BIRC5: variants seen among roughly 807,000 people sequenced by gnomAD.
The protein encoded by BIRC5 is baculoviral IAP repeat containing 5.
In BIRC5, 8 loss-of-function variants were observed where a neutral mutation model predicts 15.8. The observed-to-expected ratio is 0.51, with a 90% CI of 0.30 to 0.91. The LOEUF (loss-of-function observed/expected upper bound fraction) is 0.91. BIRC5 is among the 40% of genes least tolerant of loss of function. The pLI is 0.07. For synonymous variants in BIRC5, 56 were observed against 64.5 expected (o/e 0.87, Z 0.63); for missense variants, 163 against 178.6 (o/e 0.91, Z 0.50).
chr17:78,222,744 T>A (rs2076523535), intron 3 of BIRC5: 6 of 1,478,598 alleles, frequency 4.1e-6, no homozygotes, highest in Non-Finnish European at 5.4e-6. Context: ...TTTTTTAATG[T>A]AGTAGAGGAG....
chr17:78,219,732 T>G (rs2076502875), intron 3 of BIRC5, among the ~76,000 whole-genome samples: 1 of 152,236 alleles, frequency 6.6e-6, no homozygotes, highest in Non-Finnish European at 1.5e-5. Context: ...TATTGTCTTT[T>G]GTTGTTTTTC....
chr17:78,214,835 G>A (rs752468320), intron 2 of BIRC5, 46 bp downstream of exon 2: 2 of 1,529,702 alleles, frequency 1.3e-6, no homozygotes, highest in African/African-American at 1.4e-5. Flanking sequence ...TTTGAACTGA[G>A]TTGTCAAAAG....
At position 78,215,403 on chromosome 17, in the gene BIRC5, C is replaced by G. The variant is rs961640577; in HGVS notation, c.221+614C>G. 3.3e-5 allele frequency among the ~76,000 whole-genome samples: 5 copies of G among 150,066 alleles called. No homozygotes were observed. The East Asian group carries it at 9.8e-4, about 29-fold the overall frequency. On this transcript the variant is annotated intron_variant, in intron 2 of 3. Coordinates refer to ENST00000350051, the MANE Select transcript of BIRC5 (RefSeq NM_001168.3). ...ATGCACTCCAGCCTCGGCGACAGAG[C>G]GAGACTCCGTCATAAAAATAAAAAA...
At chr17:78,221,398 A>G (rs1171265404) in intron 3 of BIRC5, among the ~76,000 whole-genome samples, 1 of 150,962 alleles carries the variant, frequency 6.6e-6, no homozygotes, top group African/African-American at 2.4e-5. Context: ...CTACAGGCGC[A>G]TGCCACCATG....
At chr17:78,216,636 CT>C (rs751306383) in intron 2 of BIRC5, 27 bp from the exon 3 acceptor site, 2 of 1,606,654 alleles carry the variant, frequency 1.2e-6, no homozygotes, top group South Asian at 2.2e-5. Flanking sequence ...CTTCAGCTGC[CT>C]TTCCGCTGTT....
In BIRC5 at chr17:78,214,280, A is replaced by T; in HGVS notation, c.-37A>T. ...GGCGCGCCATTAACCGCCAGATTTG[A>T]ATCGCGGGACCCGTTGGCAGAGGTG... is the stretch of plus-strand genomic sequence containing the variant. On this transcript the variant is annotated 5_prime_UTR_variant, in exon 1 of 4. Coordinates refer to ENST00000350051, the MANE Select transcript of BIRC5 (RefSeq NM_001168.3). 6.4e-7 allele frequency: 1 copy of T among 1,569,134 alleles called. No individual in the cohort carries two copies. Among genetic ancestry groups the T allele is most frequent in the Non-Finnish European group, 8.7e-7 (1 of 1,152,718 alleles).
At chr17:78,215,026 G>A in intron 2 of BIRC5, 2 of 469,744 alleles carry the variant, frequency 4.3e-6, no homozygotes, top group South Asian at 2.1e-5. Context: ...TGCCTTTCAT[G>A]TTCAACAGAA....
Position 78,223,456 on chromosome 17 carries a change from T to C in BIRC5, c.340-9T>C. On this transcript the variant is annotated splice_polypyrimidine_tract_variant and intron_variant, in intron 3 of 3. Transcript: ENST00000350051. ...GTTTCAGTGTCATGTGTCTATTCTTTATTTCCAGGCAAAGGAAACCAACAA... is the reference window on the plus strand; with the variant it reads ...GTTTCAGTGTCATGTGTCTATTCTTCATTTCCAGGCAAAGGAAACCAACAA... The C allele has an allele frequency of 6.3e-7, 1 of 1,588,620 alleles. No individual in the cohort carries two copies. The highest frequency in any genetic ancestry group is 8.6e-7 in the Non-Finnish European group (1 of 1,165,760).
chr17:78,214,283 C>A lies in BIRC5; in HGVS notation c.-34C>A. On this transcript the variant is annotated 5_prime_UTR_variant, in exon 1 of 4. Transcript: ENST00000350051. ...GCGCCATTAACCGCCAGATTTGAAT[C>A]GCGGGACCCGTTGGCAGAGGTGGCG... is the stretch of plus-strand genomic sequence containing the variant. 2.5e-6 allele frequency: 4 copies of A among 1,572,872 alleles called. No individual in the cohort carries two copies. The highest frequency in any genetic ancestry group is 3.5e-6 in the Non-Finnish European group (4 of 1,154,786).
chr17:78,216,987 C>T (rs2076483127), intron 3 of BIRC5, among the ~76,000 whole-genome samples: 1 of 151,354 alleles, frequency 6.6e-6, no homozygotes, highest in Non-Finnish European at 1.5e-5. Context: ...TCAAGTGATT[C>T]TCCTGCCTCA....
rs1476353195 is a variant in BIRC5, at chr17:78,223,466, C to A, written c.341C>A (p.Ala114Glu). The A allele has an allele frequency of 6.3e-7, 1 of 1,594,140 alleles. No individual in the cohort carries two copies. ...CATGTGTCTATTCTTTATTTCCAGG[C>A]AAAGGAAACCAACAATAAGAAGAAA... ...LDRERAKNKI[A>E]KETNNKKKEF... The change falls in exon 4 of 4, where the codon GCA becomes GAA. Residue 114 changes from alanine to glutamate, a missense_variant and splice_region_variant. Coordinates refer to ENST00000350051, the MANE Select transcript of BIRC5 (RefSeq NM_001168.3).
At chr17:78,216,155 A>C (rs2076476192) in intron 2 of BIRC5, 1 of 173,634 alleles carries the variant, frequency 5.8e-6, no homozygotes, top group Non-Finnish European at 1.1e-5. Context: ...AGGCTGAGGC[A>C]GGAGAATGGC....
chr17:78,218,661 G>A (rs1439397487), intron 3 of BIRC5, among the ~76,000 whole-genome samples: 1 of 148,716 alleles, frequency 6.7e-6, no homozygotes, highest in Non-Finnish European at 1.5e-5. Context: ...GGAGTGCAGT[G>A]GCACGATCTC....
intron 2 of BIRC5, chr17:78,215,065 T>A (rs940081376): frequency 5.6e-6 from 2 of 359,346 alleles, no homozygotes; most frequent in African/African-American, 4.2e-5. Flanking sequence ...TGTTGTGAAC[T>A]CCCAGGAACG....
intron 3 of BIRC5, chr17:78,223,027 A>G: frequency 7.2e-7 from 1 of 1,386,960 alleles, no homozygotes; most frequent in East Asian, 2.7e-5. Context: ...CTCTGCCTAG[A>G]CTAGCTGGGG....
chr17:78,218,475 G>A (rs1382139396), intron 3 of BIRC5, among the ~76,000 whole-genome samples: 1 of 147,096 alleles, frequency 6.8e-6, no homozygotes, highest in East Asian at 2.1e-4. Flanking sequence ...TGTATTTTTA[G>A]TAGACGGGGT....
At position 78,223,704 on chromosome 17, in the gene BIRC5, G is replaced by A. The variant is rs766041929; in HGVS notation, c.*150G>A. On this transcript the variant is annotated 3_prime_UTR_variant, in exon 4 of 4. Transcript: ENST00000350051. ...AATTAGATGTTTCAACTGTGCTCTT[G>A]TTTTGTCTTGAAAGTGGCACCAGAG... 6.3e-6 allele frequency: 9 copies of A among 1,424,042 alleles called. No homozygotes were observed. The African/African-American group carries it at 7.3e-5, about 11-fold the overall frequency. The allele number at this position is 1,424,042 out of a possible 1,614,324, so 88.2% of individuals were successfully genotyped here.
In BIRC5 at chr17:78,225,360, A is replaced by G. The variant is rs1044869906; in HGVS notation, c.*1806A>G. 2.0e-5 allele frequency: 3 copies of G among 152,166 alleles called. No homozygotes were observed. Among genetic ancestry groups the G allele is most frequent in the African/African-American group, 7.2e-5 (3 of 41,426 alleles). The allele number at this position is 152,166 out of a possible 1,614,324, so 9.4% of individuals were successfully genotyped here. ...CCCTTGTCTAAGTGCAACCGCCTAG[A>G]CTTTCTTTCAGATACATGTCCACAT... On this transcript the variant is annotated 3_prime_UTR_variant, in exon 4 of 4. Coordinates refer to ENST00000350051, the MANE Select transcript of BIRC5 (RefSeq NM_001168.3).
At chr17:78,220,726 T>C (rs182355862) in intron 3 of BIRC5, among the ~76,000 whole-genome samples, 1 of 152,180 alleles carries the variant, frequency 6.6e-6, no homozygotes, top group Non-Finnish European at 1.5e-5. Context: ...TAATCTTTTT[T>C]TTGTTGTTTT....
Sources: allele counts gnomAD v4.1 joint callset (sites outside exome capture counted in the v4.1 genomes callset), GRCh38; gene constraint gnomAD v4.1.1; transcripts MANE v1.5; gene names NCBI Gene and HGNC (gene_info 2026-07-23, HGNC 2026-07-21).